The following CSMD1 variants were observed in gnomAD, a reference collection of about 807,000 sequenced individuals.
CSMD1 encodes CUB and sushi domain-containing protein 1.
CSMD1 carries 213 observed loss-of-function variants against 417.5 expected under a neutral mutation model. The ratio of observed to expected loss-of-function variants is 0.51; its 90% CI spans 0.46 to 0.57. The LOEUF (loss-of-function observed/expected upper bound fraction) is 0.57. Among genes scored for constraint, CSMD1 ranks in the 20% least tolerant of loss-of-function variants. CSMD1 has a pLI of 0.00. For synonymous variants in CSMD1, 2,862 were observed against 1,736.8 expected, an observed-to-expected ratio of 1.65 and a Z score of -16.11; for missense variants, 6,923 against 4,529.7, an observed-to-expected ratio of 1.53 and a Z score of -15.17.
At chr8:3,552,574 G>T (rs551906156) in intron 10 of CSMD1, among the ~76,000 whole-genome samples, 1 of 152,092 alleles carries the variant, frequency 6.6e-6, no homozygotes, top group Non-Finnish European at 1.5e-5. Flanking sequence ...GGGGCATTGT[G>T]GTTATGCAAA....
intron 3 of CSMD1, among the ~76,000 whole-genome samples, chr8:4,304,409 G>C (rs1798138098): frequency 6.6e-6 from 1 of 152,052 alleles, no homozygotes; most frequent in Non-Finnish European, 1.5e-5. Flanking sequence ...TACCATCTAA[G>C]AGCGACAGAA....
chr8:4,412,407 C>T (rs1369481251), intron 3 of CSMD1, among the ~76,000 whole-genome samples: 1 of 152,196 alleles, frequency 6.6e-6, no homozygotes, highest in African/African-American at 2.4e-5. Context: ...GCGCTGGCTC[C>T]TCCTTTGCCT....
intron 7 of CSMD1, among the ~76,000 whole-genome samples, chr8:3,624,421 C>G (rs1302526069): frequency 6.6e-6 from 1 of 152,150 alleles, no homozygotes; most frequent in African/African-American, 2.4e-5. Context: ...AATAAATAAA[C>G]CAATATAAGA....
intron 9 of CSMD1, among the ~76,000 whole-genome samples, chr8:3,576,899 CTTT>C (rs1374875096): frequency 6.6e-6 from 1 of 152,184 alleles, no homozygotes; most frequent in Admixed American, 6.5e-5. Flanking sequence ...CATTTTCCTA[CTTT>C]TTAACACTTC....
rs976697826 is a variant in CSMD1, at chr8:4,878,508, G to A, written c.85+115824C>T. 1.8e-4 allele frequency among the ~76,000 whole-genome samples: 28 copies of A among 151,776 alleles called. 1 individual carries two copies. Among genetic ancestry groups the A allele is most frequent in the Admixed American group, 1.2e-3 (18 of 15,232 alleles). On this transcript the variant is annotated intron_variant, in intron 1 of 69. Coordinates refer to ENST00000635120, the MANE Select transcript of CSMD1 (RefSeq NM_033225.6). Reference sequence around the variant, plus strand: ...GAATCATGATGATGATGATGATGATGATTTTTATTATTATTCAGAATGATT... The same window carrying A: ...GAATCATGATGATGATGATGATGATAATTTTTATTATTATTCAGAATGATT...
In CSMD1 at chr8:4,706,908, T is replaced by C. The variant is rs1807981615; in HGVS notation, c.86-69350A>G. Among the ~76,000 whole-genome samples, 3 of 152,218 alleles carry C rather than the reference T, an allele frequency of 2.0e-5. 1 individual carries two copies. Among genetic ancestry groups the C allele is most frequent in the African/African-American group, 7.2e-5 (3 of 41,462 alleles). ...AAATGAGAAAGGCAAGGCGAAAAGC[T>C]TCTGATTCATGAAACTATGAGTAAT... is the stretch of plus-strand genomic sequence containing the variant. On this transcript the variant is annotated intron_variant, in intron 1 of 69. Coordinates refer to ENST00000635120, the MANE Select transcript of CSMD1 (RefSeq NM_033225.6).
At chr8:3,955,202 C>T (rs1194279620) in intron 5 of CSMD1, among the ~76,000 whole-genome samples, 1 of 152,186 alleles carries the variant, frequency 6.6e-6, no homozygotes, top group Non-Finnish European at 1.5e-5. Context: ...GTGCAGAGCA[C>T]CTTGAATGCG....
At chr8:3,777,632 C>T (rs1385113934) in intron 5 of CSMD1, among the ~76,000 whole-genome samples, 1 of 152,234 alleles carries the variant, frequency 6.6e-6, no homozygotes, top group Non-Finnish European at 1.5e-5. Flanking sequence ...GCATCCCAAC[C>T]AGCAACAAGA....
chr8:3,488,447 C>G (rs939410272), intron 11 of CSMD1, among the ~76,000 whole-genome samples: 9 of 152,024 alleles, frequency 5.9e-5, no homozygotes, highest in South Asian at 2.1e-4. Context: ...AAGGCTAAAA[C>G]CGATAGATAA....
chr8:3,080,890 C>T lies in CSMD1; in HGVS notation c.7474+6207G>A, dbSNP rs187800765. On this transcript the variant is annotated intron_variant, in intron 49 of 69. Coordinates refer to ENST00000635120, the MANE Select transcript of CSMD1 (RefSeq NM_033225.6). ...ACAATGTATCCTCCAATTTCAAATC[C>T]GAGTAATTTTTCTCTAAAAATATGA... Among the ~76,000 whole-genome samples, 386 of 152,004 alleles carry T rather than the reference C, an allele frequency of 2.5e-3. 1 individual carries two copies. The highest frequency in any genetic ancestry group is 0.011 in the South Asian group (52 of 4,818).
Position 4,029,762 on chromosome 8 carries a change from C to T in CSMD1, c.610+2143G>A, listed in dbSNP as rs532617023. Reference sequence around the variant, plus strand: ...AGCATTAACTCGAAATTCCACCTTCCGAACTCTTATCTGAGACAAAACAAG... The same window carrying T: ...AGCATTAACTCGAAATTCCACCTTCTGAACTCTTATCTGAGACAAAACAAG... On this transcript the variant is annotated intron_variant, in intron 4 of 69. Transcript: ENST00000635120. Among the ~76,000 whole-genome samples the T allele has an allele frequency of 7.9e-4, 121 of 152,220 alleles. 1 individual carries two copies. Among genetic ancestry groups the T allele is most frequent in the Admixed American group, 1.3e-3 (20 of 15,300 alleles).
intron 19 of CSMD1, among the ~76,000 whole-genome samples, chr8:3,368,269 G>A (rs971325324): frequency 1.2e-4 from 18 of 152,210 alleles, no homozygotes; most frequent in African/African-American, 4.1e-4. Flanking sequence ...ATATTAAGTC[G>A]GGTTCAAATC....
At chr8:3,335,848 G>A (rs989400985) in intron 23 of CSMD1, among the ~76,000 whole-genome samples, 1 of 152,134 alleles carries the variant, frequency 6.6e-6, no homozygotes, top group African/African-American at 2.4e-5. Context: ...GGTGGAGACT[G>A]GGCTCAGAGA....
In CSMD1 at chr8:4,205,633, G is replaced by A. The variant is rs76719416; in HGVS notation, c.416-173534C>T. ...AATTTCCACCCAGGAGCCACACAGA[G>A]TGAGAAAGCCTCTCATTGTAACGGC... On this transcript the variant is annotated intron_variant, in intron 3 of 69. Transcript: ENST00000635120. Among the ~76,000 whole-genome samples the A allele has an allele frequency of 1.7e-3, 265 of 152,284 alleles. 2 individuals carry two copies. Among genetic ancestry groups the A allele is most frequent in the African/African-American group, 6.3e-3 (260 of 41,556 alleles).
chr8:4,310,517 T>C (rs551207109), intron 3 of CSMD1, among the ~76,000 whole-genome samples: 2 of 94,308 alleles, frequency 2.1e-5, no homozygotes, highest in Admixed American at 3.0e-4. Flanking sequence ...TCTTCCACAT[T>C]AAATAAAATA....
At chr8:3,124,016 G>A (rs1037527702) in intron 41 of CSMD1, among the ~76,000 whole-genome samples, 1 of 152,132 alleles carries the variant, frequency 6.6e-6, no homozygotes, top group Admixed American at 6.5e-5. Context: ...CACCGAAATA[G>A]GACATTTGAA....
intron 3 of CSMD1, among the ~76,000 whole-genome samples, chr8:4,126,439 C>G (rs1320574537): frequency 6.6e-6 from 1 of 152,140 alleles, no homozygotes; most frequent in African/African-American, 2.4e-5. Context: ...AAGACACAAA[C>G]CAACATAGTA....
chr8:3,804,615 A>C (rs2129074051), intron 5 of CSMD1, among the ~76,000 whole-genome samples: 1 of 152,234 alleles, frequency 6.6e-6, no homozygotes, highest in Non-Finnish European at 1.5e-5. Context: ...TTTTCATTTA[A>C]AAAATCACTT....
At chr8:3,255,511 T>C (rs1425797073) in intron 26 of CSMD1, among the ~76,000 whole-genome samples, 1 of 152,182 alleles carries the variant, frequency 6.6e-6, no homozygotes, top group East Asian at 1.9e-4. Flanking sequence ...TGTGGTGGGC[T>C]CCACCCAGTT....
Sources: allele counts gnomAD v4.1 joint callset (sites outside exome capture counted in the v4.1 genomes callset), GRCh38; gene constraint gnomAD v4.1.1; transcripts MANE v1.5; gene names NCBI Gene and HGNC (gene_info 2026-07-23, HGNC 2026-07-21).